GRAMD1B: variants seen among roughly 807,000 people sequenced by gnomAD.
The protein encoded by GRAMD1B is protein Aster-B.
A neutral mutation model predicts 99.7 loss-of-function variants in GRAMD1B; 37 were observed. The ratio of observed to expected loss-of-function variants is 0.37; its 90% confidence interval spans 0.29 to 0.49. The LOEUF is 0.49. GRAMD1B is among the 20% of genes least tolerant of loss of function. GRAMD1B has a pLI of 0.98. For missense variants in GRAMD1B, 888 were observed against 1,009.2 expected, an observed-to-expected ratio of 0.88 and a Z score of 1.63; for synonymous variants, 427 against 387.6, an observed-to-expected ratio of 1.10 and a Z score of -1.19.
chr11:123,462,384 G>T (rs1950468719), intron 1 of GRAMD1B, among the ~76,000 whole-genome samples: 1 of 152,148 alleles, frequency 6.6e-6, no homozygotes, highest in African/African-American at 2.4e-5. Context: ...TTGTTTCAAG[G>T]TTTTCACTTG....
Position 123,591,309 on chromosome 11 carries a change from GAC to G in GRAMD1B, c.685-2772_685-2771del, listed in dbSNP as rs1428512964. 2.5e-6 allele frequency: 1 copy of G among 397,964 alleles called. No homozygotes were observed. The highest frequency in any genetic ancestry group is 2.1e-5 in the African/African-American group (1 of 48,644). 24.7% of individuals were successfully genotyped at this position (397,964 alleles called of 1,614,324 possible). ...ACCCATCCACAGTCAAGCCAGGGGA[GAC>G]CAGTTGTTTTCATCGTGTGGGGACA... On this transcript the variant is annotated intron_variant, in intron 4 of 19. Transcript: ENST00000635736. This position sits in a 1 kb window ranked among gnomAD's most constrained non-coding sequence, Gnocchi z 4.7.
chr11:123,620,991 A>G (rs1488286636), intron 19 of GRAMD1B, among the ~76,000 whole-genome samples: 5 of 152,162 alleles, frequency 3.3e-5, no homozygotes, highest in African/African-American at 1.2e-4. Context: ...CTACAATTCT[A>G]TTTCAGAATG....
intron 1 of GRAMD1B, among the ~76,000 whole-genome samples, chr11:123,468,651 C>T (rs920361465): frequency 2.0e-5 from 3 of 151,548 alleles, no homozygotes; most frequent in East Asian, 1.9e-4. Flanking sequence ...AAAATCAGCC[C>T]GGTGTGATGG....
chr11:123,524,748 G>A (rs4936821), intron 2 of GRAMD1B, among the ~76,000 whole-genome samples: 1 of 152,084 alleles, frequency 6.6e-6, no homozygotes, highest in African/African-American at 2.4e-5. Context: ...TAGGGTAAAG[G>A]CTTATTATGG....
intron 1 of GRAMD1B, among the ~76,000 whole-genome samples, chr11:123,479,353 G>A (rs769662829): frequency 5.9e-5 from 9 of 152,208 alleles, no homozygotes; most frequent in Non-Finnish European, 1.3e-4. Context: ...TTGGCTGAGA[G>A]TGTACAGACA....
chr11:123,368,781 G>A (rs189457230), intron 1 of GRAMD1B, among the ~76,000 whole-genome samples: 2 of 152,020 alleles, frequency 1.3e-5, no homozygotes, highest in East Asian at 3.9e-4. Context: ...GAGGCCATTG[G>A]AGTGAAGATT....
chr11:123,435,886 T>C (rs1340357602), intron 1 of GRAMD1B, among the ~76,000 whole-genome samples: 1 of 150,810 alleles, frequency 6.6e-6, no homozygotes, highest in Non-Finnish European at 1.5e-5. Context: ...TGTACAACCA[T>C]CACCACAGTC....
At chr11:123,424,203 C>T (rs1948562493) in intron 1 of GRAMD1B, among the ~76,000 whole-genome samples, 1 of 150,808 alleles carries the variant, frequency 6.6e-6, no homozygotes, top group Admixed American at 6.6e-5. Flanking sequence ...CATGCTGTCA[C>T]CAGAGTTGAT....
intron 19 of GRAMD1B, chr11:123,619,617 C>T (rs573576655): frequency 2.9e-5 from 23 of 788,172 alleles, no homozygotes; most frequent in Non-Finnish European, 3.9e-5. Context: ...AAATGTTTAC[C>T]GCCCCCTCCT....
chr11:123,489,964 G>A (rs1175521240), intron 2 of GRAMD1B, among the ~76,000 whole-genome samples: 1 of 152,238 alleles, frequency 6.6e-6, no homozygotes, highest in East Asian at 1.9e-4. Context: ...ATCACTTGAA[G>A]CTAGGAGTTT....
intron 10 of GRAMD1B, 110 bp downstream of exon 10, chr11:123,605,588 A>G (rs888546282): frequency 2.4e-6 from 2 of 850,494 alleles, no homozygotes; most frequent in Admixed American, 2.6e-5. Context: ...GATTGGTTAC[A>G]TTGTTGTCAG....
chr11:123,414,047 A>AT (rs780726855), intron 1 of GRAMD1B, among the ~76,000 whole-genome samples: 25,170 of 142,638 alleles, frequency 0.18, 2,622 homozygotes, highest in African/African-American at 0.3. Context: ...CATCATCATC[A>AT]TTTTTTTTTT....
chr11:123,504,082 C>G (rs1047789645), intron 2 of GRAMD1B, among the ~76,000 whole-genome samples: 1 of 152,146 alleles, frequency 6.6e-6, no homozygotes, highest in Non-Finnish European at 1.5e-5. Flanking sequence ...AGGCTGAGGT[C>G]GAGGTAATGT....
chr11:123,525,114 G>T (rs943126821), intron 2 of GRAMD1B, among the ~76,000 whole-genome samples: 7 of 152,192 alleles, frequency 4.6e-5, no homozygotes, highest in African/African-American at 1.4e-4. Flanking sequence ...CCTAAACCAG[G>T]CCTTTGTGGT....
intron 1 of GRAMD1B, among the ~76,000 whole-genome samples, chr11:123,446,397 C>T (rs1258910739): frequency 2.0e-5 from 3 of 152,016 alleles, no homozygotes; most frequent in Non-Finnish European, 4.4e-5. Flanking sequence ...AACTCCTGAC[C>T]TCGAGTGATC....
At chr11:123,445,412 T>A (rs1460455388) in intron 1 of GRAMD1B, among the ~76,000 whole-genome samples, 1 of 152,128 alleles carries the variant, frequency 6.6e-6, no homozygotes, top group Admixed American at 6.5e-5. Context: ...CTGTACAGGG[T>A]GGAGCTTCTC....
chr11:123,552,790 A>G lies in GRAMD1B; in HGVS notation c.453-24577A>G, dbSNP rs150080801. ...TCCGTGAAATTGGAATAATAAGATT[A>G]AAGGAGATATGACCCACTGTGCCCT... On this transcript the variant is annotated intron_variant, in intron 2 of 19. Coordinates refer to ENST00000635736, the MANE Select transcript of GRAMD1B (RefSeq NM_001387025.1). 1.7e-3 allele frequency among the ~76,000 whole-genome samples: 263 copies of G among 152,332 alleles called. 3 individuals carry two copies. Among genetic ancestry groups the G allele is most frequent in the African/African-American group, 6.1e-3 (252 of 41,578 alleles).
intron 2 of GRAMD1B, among the ~76,000 whole-genome samples, chr11:123,541,304 A>G (rs1055913966): frequency 4.1e-4 from 63 of 152,300 alleles, no homozygotes; most frequent in African/African-American, 1.5e-3. Flanking sequence ...CTGGGTCCCT[A>G]GTCCAAACTG....
At chr11:123,406,016 CTTTTT>C (rs72167101) in intron 1 of GRAMD1B, among the ~76,000 whole-genome samples, 1 of 139,960 alleles carries the variant, frequency 7.1e-6, no homozygotes, top group Non-Finnish European at 1.6e-5. Context: ...AACATTATTC[CTTTTT>C]TTTTTTTTTT....
Sources: gnomAD v4.1 joint callset for allele counts (sites outside exome capture counted in the v4.1 genomes callset) on GRCh38, gnomAD v4.1.1 for gene constraint, Gnocchi (gnomAD v3.1) non-coding constraint, MANE v1.5 for transcripts, NCBI Gene and HGNC (gene_info 2026-07-23, HGNC 2026-07-21) for gene names.